The following PLCL1 variants were observed in gnomAD, a reference collection of about 807,000 sequenced individuals.
PLCL1 encodes phospholipase C like 1 (inactive), also known as inactive phospholipase C-like protein 1.
Under a neutral mutation model 84.4 loss-of-function variants are expected in PLCL1, and 41 were observed. The observed-to-expected ratio is 0.49, with a 90% CI of 0.38 to 0.63. The LOEUF (loss-of-function observed/expected upper bound fraction) is 0.63. Among genes scored for constraint, PLCL1 ranks in the 30% least tolerant of loss-of-function variants. The pLI is 0.00. For missense variants in PLCL1, 1,206 were observed against 1,367.8 expected (o/e 0.88, Z 1.87); for synonymous variants, 490 against 488.3 (o/e 1.00, Z -0.05).
At chr2:198,095,640 A>G (rs1018308529) in intron 3 of PLCL1, among the ~76,000 whole-genome samples, 4 of 152,204 alleles carry the variant, frequency 2.6e-5, no homozygotes, top group Non-Finnish European at 5.9e-5. Flanking sequence ...CTAGGAGTCT[A>G]CTATTGGGGA....
intron 1 of PLCL1, among the ~76,000 whole-genome samples, chr2:197,818,892 G>A (rs1690746830): frequency 6.6e-6 from 1 of 152,056 alleles, no homozygotes; most frequent in Non-Finnish European, 1.5e-5. Context: ...ACCCAAAGAG[G>A]TTTCTTGGGT....
chr2:197,891,929 G>T (rs1210489310), intron 1 of PLCL1, among the ~76,000 whole-genome samples: 1 of 152,130 alleles, frequency 6.6e-6, no homozygotes. Flanking sequence ...CTACACAGGA[G>T]TAGATGTGCC....
At chr2:198,105,578 C>T (rs950297822) in intron 5 of PLCL1, among the ~76,000 whole-genome samples, 2 of 144,676 alleles carry the variant, frequency 1.4e-5, no homozygotes, top group Non-Finnish European at 1.5e-5. Flanking sequence ...AGGGTACAGC[C>T]CATGTGTGAG....
intron 5 of PLCL1, among the ~76,000 whole-genome samples, chr2:198,112,108 T>C (rs1298165873): frequency 6.6e-6 from 1 of 151,930 alleles, no homozygotes; most frequent in Non-Finnish European, 1.5e-5. Context: ...TAGAATGAAT[T>C]GACCAAGTGG....
chr2:197,911,160 T>A lies in PLCL1; in HGVS notation c.240+105821T>A, dbSNP rs566294581. 9.9e-5 allele frequency among the ~76,000 whole-genome samples: 15 copies of A among 152,104 alleles called. No homozygotes were observed. The East Asian group carries it at 2.9e-3, about 29-fold the overall frequency. ...AAGTTTGAGACCAGCCTGGGCAACA[T>A]GGGGAAACCCCATCTCGACAAAAAT... On this transcript the variant is annotated intron_variant, in intron 1 of 5. Coordinates refer to ENST00000428675, the MANE Select transcript of PLCL1 (RefSeq NM_006226.4).
At chr2:197,858,801 C>G (rs1270586155) in intron 1 of PLCL1, among the ~76,000 whole-genome samples, 1 of 152,082 alleles carries the variant, frequency 6.6e-6, no homozygotes, top group Non-Finnish European at 1.5e-5. Flanking sequence ...CTGGGCTCTG[C>G]TTGGTGGTTC....
At chr2:198,013,919 G>A (rs1214708907) in intron 1 of PLCL1, among the ~76,000 whole-genome samples, 3 of 152,164 alleles carry the variant, frequency 2.0e-5, no homozygotes, top group South Asian at 2.1e-4. Flanking sequence ...TGTTGTTTGT[G>A]GCTAGTTGAG....
intron 1 of PLCL1, among the ~76,000 whole-genome samples, chr2:197,902,030 T>C (rs572703251): frequency 6.6e-6 from 1 of 152,278 alleles, no homozygotes; most frequent in South Asian, 2.1e-4. Flanking sequence ...TAAACCCTCA[T>C]AAACTCTTAT....
intron 5 of PLCL1, among the ~76,000 whole-genome samples, chr2:198,143,903 T>A (rs1041947922): frequency 1.2e-4 from 18 of 152,160 alleles, no homozygotes; most frequent in African/African-American, 4.3e-4. Flanking sequence ...CTATTTTTTT[T>A]TTTTCTTGCC....
intron 1 of PLCL1, among the ~76,000 whole-genome samples, chr2:198,076,081 A>C (rs1692570340): frequency 1.3e-5 from 2 of 152,208 alleles, no homozygotes; most frequent in African/African-American, 4.8e-5. Flanking sequence ...CTAATGAGCA[A>C]ATGATTGCAG....
At chr2:197,860,031 T>A (rs1264264732) in intron 1 of PLCL1, among the ~76,000 whole-genome samples, 1 of 151,974 alleles carries the variant, frequency 6.6e-6, no homozygotes, top group Non-Finnish European at 1.5e-5. Context: ...CCTCCCACCC[T>A]CCACCCTCAG....
In PLCL1 at chr2:197,974,374, G is replaced by A. The variant is rs138541407; in HGVS notation, c.241-109384G>A. Among the ~76,000 whole-genome samples the A allele has an allele frequency of 2.5e-4, 38 of 152,294 alleles. No individual in the cohort carries two copies. In the East Asian group the frequency reaches 6.7e-3, roughly 27 times the overall value. On this transcript the variant is annotated intron_variant, in intron 1 of 5. Transcript: ENST00000428675. ...ATAAGTAAAAGTTTAAACCAGTCCT[G>A]TAATTCATCTTGAGCATGTGCTACT... is the stretch of plus-strand genomic sequence containing the variant.
At chr2:197,923,236 C>T (rs373244664) in intron 1 of PLCL1, among the ~76,000 whole-genome samples, 21,883 of 142,594 alleles carry the variant, frequency 0.15, 352 homozygotes, top group East Asian at 0.22. Flanking sequence ...CCGGATGGGG[C>T]GGCTGGCCGG....
chr2:198,011,937 T>G (rs1690877641), intron 1 of PLCL1, among the ~76,000 whole-genome samples: 1 of 152,160 alleles, frequency 6.6e-6, no homozygotes, highest in South Asian at 2.1e-4. Context: ...CTCCTCTCTG[T>G]AGGTTCCTGT....
intron 1 of PLCL1, among the ~76,000 whole-genome samples, chr2:198,048,571 G>A (rs1013747829): frequency 1.3e-5 from 2 of 152,198 alleles, no homozygotes; most frequent in Non-Finnish European, 2.9e-5. Context: ...GGGAGAGCAG[G>A]TGCATCACGT....
chr2:197,906,746 G>A (rs1688389611), intron 1 of PLCL1, among the ~76,000 whole-genome samples: 1 of 152,138 alleles, frequency 6.6e-6, no homozygotes, highest in South Asian at 2.1e-4. Flanking sequence ...CTTGAACAGT[G>A]GTTTGTAGTT....
At chr2:197,859,940 CA>C (rs1401605297) in intron 1 of PLCL1, among the ~76,000 whole-genome samples, 3 of 151,986 alleles carry the variant, frequency 2.0e-5, no homozygotes, top group African/African-American at 7.2e-5. Flanking sequence ...ACTTGTGTCA[CA>C]GGGGTTTGTT....
chr2:197,918,670 C>G (rs1324695676), intron 1 of PLCL1, among the ~76,000 whole-genome samples: 1 of 151,934 alleles, frequency 6.6e-6, no homozygotes, highest in African/African-American at 2.4e-5. Flanking sequence ...GCCTGTAATC[C>G]CAGCACTTTG....
chr2:198,035,690 A>T (rs953834932), intron 1 of PLCL1, among the ~76,000 whole-genome samples: 3 of 152,250 alleles, frequency 2.0e-5, no homozygotes, highest in African/African-American at 7.2e-5. Context: ...ATGAGCAACT[A>T]TGTAAAATGG....
Sources: allele counts gnomAD v4.1 joint callset (sites outside exome capture counted in the v4.1 genomes callset), GRCh38; gene constraint gnomAD v4.1.1; transcripts MANE v1.5; gene names NCBI Gene and HGNC (gene_info 2026-07-23, HGNC 2026-07-21).